The following GLRB variants were observed in gnomAD, a reference collection of about 807,000 sequenced individuals.
GLRB encodes glycine receptor beta, also known as glycine receptor subunit beta.
In GLRB, 33 loss-of-function variants were observed where a neutral mutation model predicts 54.2. The observed-to-expected ratio is 0.61, with a 90% CI of 0.46 to 0.81. The LOEUF is 0.81. Ranked by LOEUF, GLRB falls within the 40% of genes least tolerant of loss-of-function variation. The pLI is 0.00. For synonymous variants in GLRB, 209 were observed against 208.2 expected, an observed-to-expected ratio of 1.00 and a Z score of -0.03; for missense variants, 572 against 584.6, an observed-to-expected ratio of 0.98 and a Z score of 0.22.
intron 3 of GLRB, 88 bp from the exon 4 acceptor site, chr4:157,122,242 A>G (rs780836398): frequency 5.1e-5 from 30 of 585,640 alleles, no homozygotes; most frequent in Non-Finnish European, 9.0e-5. Context: ...AAAAAATATA[A>G]TAATTAAATG....
rs938191971 is a variant in GLRB at position 157,170,863 on chromosome 4, T to C, written c.*135T>C. On this transcript the variant is annotated 3_prime_UTR_variant, in exon 10 of 10. Transcript: ENST00000264428. ...GGATGCCATTTGATTGTAATAAAAC[T>C]GTGGCACCTTAATTTTGAATGGCAG... 3.8e-5 allele frequency: 22 copies of C among 583,198 alleles called. No homozygotes were observed. The Admixed American group carries it at 4.4e-4, about 12-fold the overall frequency. 36.1% of individuals were successfully genotyped at this position (583,198 alleles called of 1,614,324 possible).
At chr4:157,077,655 A>G (rs1734085550) in intron 1 of GLRB, among the ~76,000 whole-genome samples, 1 of 151,764 alleles carries the variant, frequency 6.6e-6, no homozygotes, top group Admixed American at 6.6e-5. Flanking sequence ...CTTTCTGAAC[A>G]TATTTTTGAT....
chr4:157,132,587 A>G (rs1258437379), intron 4 of GLRB, among the ~76,000 whole-genome samples: 1 of 151,688 alleles, frequency 6.6e-6, no homozygotes, highest in Non-Finnish European at 1.5e-5. Context: ...TTCTCTCAAC[A>G]AGTATTGCTT....
At chr4:157,118,529 G>T (rs907015113) in intron 2 of GLRB, among the ~76,000 whole-genome samples, 1 of 151,516 alleles carries the variant, frequency 6.6e-6, no homozygotes, top group African/African-American at 2.4e-5. Flanking sequence ...AAAGCCACAA[G>T]AAGCAATTTT....
intron 9 of GLRB, among the ~76,000 whole-genome samples, chr4:157,166,623 C>CGTCCACCCCACAT (rs1737719209): frequency 6.6e-6 from 1 of 151,866 alleles, no homozygotes; most frequent in African/African-American, 2.4e-5. Context: ...ATAGAGGTTC[C>CGTCCACCCCACAT]GTCCACCCCA....
chr4:157,162,010 C>T (rs2126623213), intron 9 of GLRB, among the ~76,000 whole-genome samples: 1 of 152,302 alleles, frequency 6.6e-6, no homozygotes, highest in African/African-American at 2.4e-5. Context: ...TCCCATATTT[C>T]TTGGAGGCTT....
chr4:157,100,166 C>A (rs1456936870), intron 2 of GLRB, among the ~76,000 whole-genome samples: 1 of 151,862 alleles, frequency 6.6e-6, no homozygotes, highest in Admixed American at 6.6e-5. Context: ...ATTTTTAATT[C>A]TTTTGTCTCA....
At chr4:157,122,427 C>CA in intron 4 of GLRB, 30 bp downstream of exon 4, 3 of 831,852 alleles carry the variant, frequency 3.6e-6, no homozygotes, top group Non-Finnish European at 6.1e-6. Context: ...AATATTTTGT[C>CA]AAATATTTCA....
At chr4:157,159,622 G>T (rs61362049) in intron 9 of GLRB, among the ~76,000 whole-genome samples, 4,714 of 152,044 alleles carry the variant, frequency 0.031, 241 homozygotes, top group African/African-American at 0.11. Flanking sequence ...TCTGTTTATA[G>T]GATGGGTTAC....
At chr4:157,087,770 A>G (rs1734463871) in intron 2 of GLRB, among the ~76,000 whole-genome samples, 1 of 151,040 alleles carries the variant, frequency 6.6e-6, no homozygotes, top group Non-Finnish European at 1.5e-5. Context: ...AAGGAATTCG[A>G]CTTACTGAAA....
intron 2 of GLRB, among the ~76,000 whole-genome samples, chr4:157,103,802 T>C (rs1401133034): frequency 6.6e-6 from 1 of 152,184 alleles, no homozygotes; most frequent in East Asian, 1.9e-4. Context: ...TTTTTGATGG[T>C]ATTACAAACG....
intron 9 of GLRB, among the ~76,000 whole-genome samples, chr4:157,157,836 A>G (rs1044638913): frequency 2.6e-5 from 4 of 152,158 alleles, no homozygotes; most frequent in African/African-American, 9.7e-5. Flanking sequence ...ATGATTTATA[A>G]TCCTTTAGAT....
At chr4:157,155,314 A>G (rs1293200984) in intron 9 of GLRB, among the ~76,000 whole-genome samples, 1 of 152,080 alleles carries the variant, frequency 6.6e-6, no homozygotes. Flanking sequence ...TATTTTTAGT[A>G]GAGACAGGGT....
intron 9 of GLRB, among the ~76,000 whole-genome samples, chr4:157,163,024 C>T (rs148838249): frequency 0.045 from 6,827 of 152,242 alleles, 169 homozygotes; most frequent in Middle Eastern, 0.11. Flanking sequence ...CCTACTCAAG[C>T]TTCAGCAATG....
chr4:157,093,523 G>A (rs1425922822), intron 2 of GLRB, among the ~76,000 whole-genome samples: 4 of 151,922 alleles, frequency 2.6e-5, no homozygotes, highest in Admixed American at 1.3e-4. Context: ...GGCTGATCAC[G>A]AGATCAAGAG....
intron 2 of GLRB, among the ~76,000 whole-genome samples, chr4:157,085,705 G>A (rs1036879152): frequency 2.0e-5 from 3 of 151,996 alleles, no homozygotes; most frequent in Admixed American, 6.6e-5. Flanking sequence ...CACTGTGTTA[G>A]CCAGGATGGT....
chr4:157,145,918 G>A (rs1335147962), intron 8 of GLRB, among the ~76,000 whole-genome samples: 1 of 152,114 alleles, frequency 6.6e-6, no homozygotes, highest in African/African-American at 2.4e-5. Context: ...ACTGTGGCTG[G>A]AGCAGAACAA....
At chr4:157,156,445 T>A (rs1316348362) in intron 9 of GLRB, among the ~76,000 whole-genome samples, 3 of 152,102 alleles carry the variant, frequency 2.0e-5, no homozygotes, top group African/African-American at 7.2e-5. Flanking sequence ...TTTGGAGGAG[T>A]CTCTAGGGCT....
chr4:157,128,461 G>A (rs1736095045), intron 4 of GLRB, among the ~76,000 whole-genome samples: 1 of 151,802 alleles, frequency 6.6e-6, no homozygotes, highest in African/African-American at 2.4e-5. Context: ...AAAATTAATG[G>A]TGTGAATAAT....
Sources: allele counts gnomAD v4.1 joint callset (sites outside exome capture counted in the v4.1 genomes callset), GRCh38; gene constraint gnomAD v4.1.1; transcripts MANE v1.5; gene names NCBI Gene and HGNC (gene_info 2026-07-23, HGNC 2026-07-21).